The following MANSC1 variants were observed in gnomAD, a reference collection of about 807,000 sequenced individuals.
MANSC1 encodes MANSC domain containing 1, also known as MANSC domain-containing protein 1.
Under a neutral mutation model 14.1 loss-of-function variants are expected in MANSC1, and 13 were observed. That is an observed-to-expected ratio of 0.92 (90% CI 0.60 to 1.46). The LOEUF is 1.46. Ranked by LOEUF, MANSC1 falls within the 40% of genes most tolerant of loss-of-function variation. MANSC1 has a pLI of 0.00. For missense variants in MANSC1, 486 were observed against 511.4 expected (o/e 0.95, Z 0.48); for synonymous variants, 227 against 200.7 (o/e 1.13, Z -1.11).
At chr12:12,341,884 C>T (rs73277491) in intron 2 of MANSC1, among the ~76,000 whole-genome samples, 16,185 of 152,242 alleles carry the variant, frequency 0.11, 871 homozygotes, top group Non-Finnish European at 0.12. Context: ...CTCAGCTACC[C>T]GGGAGGCTGA....
At chr12:12,335,734 C>T (rs1305759404) in intron 3 of MANSC1, among the ~76,000 whole-genome samples, 1 of 150,844 alleles carries the variant, frequency 6.6e-6, no homozygotes, top group South Asian at 2.1e-4. Flanking sequence ...CCCAGCTACT[C>T]AGGAGGCTGA....
At chr12:12,344,918 T>C (rs1454730609) in intron 1 of MANSC1, among the ~76,000 whole-genome samples, 5 of 11,016 alleles carry the variant, frequency 4.5e-4, no homozygotes, top group Non-Finnish European at 7.3e-4. Context: ...TAAACTCCCA[T>C]ATATATATAT....
rs1862716021 is a variant in MANSC1 at position 12,326,912 on chromosome 12, G to A, written c.*3115C>T. The stretch of plus-strand genomic sequence containing the variant: ...TGCAACCGCCCCCTCCCGGCCTCAA[G>A]CAATTATCCTACCTCAGCCTCCCAA... On this transcript the variant is annotated 3_prime_UTR_variant, in exon 4 of 4. Transcript: ENST00000535902. 1 of 152,290 alleles carries A rather than the reference G, an allele frequency of 6.6e-6. No homozygotes were observed. Among genetic ancestry groups the A allele is most frequent in the South Asian group, 2.1e-4 (1 of 4,836 alleles). 9.4% of individuals were successfully genotyped at this position (152,290 alleles called of 1,614,324 possible).
At chr12:12,346,524 C>A (rs1463673523) in intron 1 of MANSC1, among the ~76,000 whole-genome samples, 2 of 152,104 alleles carry the variant, frequency 1.3e-5, no homozygotes, top group Non-Finnish European at 1.5e-5. Flanking sequence ...ACAAACAGAT[C>A]AATGGAATGG....
intron 2 of MANSC1, among the ~76,000 whole-genome samples, chr12:12,340,428 AGTACTC>A (rs930934195): frequency 2.0e-5 from 3 of 152,220 alleles, no homozygotes; most frequent in African/African-American, 7.2e-5. Context: ...TAATAACAGG[AGTACTC>A]CTGCTTTTCC....
chr12:12,334,733 A>C (rs1862836135), intron 3 of MANSC1, among the ~76,000 whole-genome samples: 1 of 152,232 alleles, frequency 6.6e-6, no homozygotes. Flanking sequence ...TGCATTACAA[A>C]AGTAACAACA....
At chr12:12,343,751 T>C (rs1862968815) in intron 1 of MANSC1, among the ~76,000 whole-genome samples, 1 of 152,216 alleles carries the variant, frequency 6.6e-6, no homozygotes, top group African/African-American at 2.4e-5. Flanking sequence ...TTCTAGTCAC[T>C]GATGAAGCAG....
chr12:12,335,024 A>G (rs1862839556), intron 3 of MANSC1, among the ~76,000 whole-genome samples: 1 of 152,166 alleles, frequency 6.6e-6, no homozygotes, highest in Non-Finnish European at 1.5e-5. Flanking sequence ...TCCATTCCAC[A>G]ACCCTAAAAC....
chr12:12,345,115 T>A (rs921249402), intron 1 of MANSC1, among the ~76,000 whole-genome samples: 10 of 148,068 alleles, frequency 6.8e-5, no homozygotes, highest in Non-Finnish European at 1.5e-5. Context: ...AGGTCAGGAG[T>A]TCGACACCAG....
At chr12:12,348,456 C>G (rs1863035632) in intron 1 of MANSC1, among the ~76,000 whole-genome samples, 1 of 152,130 alleles carries the variant, frequency 6.6e-6, no homozygotes, top group Non-Finnish European at 1.5e-5. Flanking sequence ...CCAGTCTGAA[C>G]AGATATGAAT....
intron 3 of MANSC1, among the ~76,000 whole-genome samples, chr12:12,331,486 A>T (rs12819549): frequency 0.77 from 116,375 of 152,088 alleles, 45,649 homozygotes; most frequent in Middle Eastern, 0.91. Flanking sequence ...AGTGGGCCGG[A>T]GGGTGACCTG....
chr12:12,338,003 T>C (rs1463529949), intron 3 of MANSC1, among the ~76,000 whole-genome samples: 1 of 152,200 alleles, frequency 6.6e-6, no homozygotes, highest in African/African-American at 2.4e-5. Context: ...GGTATGGCCA[T>C]AAAAAGTTTG....
chr12:12,329,956 C>G lies in MANSC1; in HGVS notation c.*71G>C. 7.7e-7 allele frequency: 1 copy of G among 1,302,042 alleles called. No individual in the cohort carries two copies. The highest frequency in any genetic ancestry group is 1.4e-5 in the South Asian group (1 of 71,780). The allele number at this position is 1,302,042 out of a possible 1,614,324, so 80.7% of individuals were successfully genotyped here. Reference sequence around the variant, plus strand: ...AAATACAACCTCCTGCTAAGACTAGCAAGTCAGCAGAAACTCATTGCATTT... The same window carrying G: ...AAATACAACCTCCTGCTAAGACTAGGAAGTCAGCAGAAACTCATTGCATTT... On this transcript the variant is annotated 3_prime_UTR_variant, in exon 4 of 4. Coordinates refer to ENST00000535902, the MANE Select transcript of MANSC1 (RefSeq NM_018050.4).
chr12:12,337,134 G>T (rs1349008429), intron 3 of MANSC1, among the ~76,000 whole-genome samples: 2 of 150,568 alleles, frequency 1.3e-5, no homozygotes, highest in Non-Finnish European at 3.0e-5. Context: ...AAAAATAGCT[G>T]GGCATGGTAG....
rs534733996 is a variant in MANSC1 at position 12,328,255 on chromosome 12, GTTATTA to G, written c.*1766_*1771del. On this transcript the variant is annotated 3_prime_UTR_variant, in exon 4 of 4. Transcript: ENST00000535902. ...AAATTGTAGCATCATGTTAGTGCTA[GTTATTA>G]TTATTATTATTTTTGAGACGGAGTC... 6.6e-6 allele frequency: 1 copy of G among 151,960 alleles called. No individual in the cohort carries two copies. Among genetic ancestry groups the G allele is most frequent in the African/African-American group, 2.4e-5 (1 of 41,384 alleles). The allele number at this position is 151,960 out of a possible 1,614,324, so 9.4% of individuals were successfully genotyped here. A position where few individuals can be genotyped will look rare whatever the true frequency, so the allele number is the denominator to read the frequency against.
rs544334615 is a variant in MANSC1 at position 12,330,398 on chromosome 12, C to G, written c.925G>C (p.Ala309Pro). 6.2e-7 allele frequency: 1 copy of G among 1,614,172 alleles called. No individual in the cohort carries two copies. Among genetic ancestry groups the G allele is most frequent in the South Asian group, 1.1e-5 (1 of 91,082 alleles). ...AAGCTGCCTTTCGAGTCCGTAGGTG[C>G]CTGAAAGGTGGTAGTCAGAACTGCT... ...TTAVLTTTFQ[A>P]PTDSKGSLET... Residue 309 changes from alanine to proline, a missense_variant, in exon 4 of 4, where the codon GCA (alanine) becomes CCA (proline). Ala to Pro is a conservative substitution (Grantham distance 27). Transcript: ENST00000535902.
In MANSC1 at chr12:12,330,779, A is replaced by G. The variant is rs4763282; in HGVS notation, c.544T>C (p.Leu182=). The G allele has an allele frequency of 0.73, 1,170,960 of 1,613,704 alleles. 429,965 individuals are homozygous for G. Among genetic ancestry groups the G allele is most frequent in the Middle Eastern group, 0.81 (4,935 of 6,058 alleles). Residue 182 remains leucine (L), a synonymous_variant, in exon 4 of 4, where the codon TTG becomes CTG. Transcript: ENST00000535902. The part of the protein sequence containing the change: ...LSQKFGSSDH[L]EKLFKMDEAS... ...TCATCCATCTTAAATAGTTTCTCCA[A>G]GTGATCTGAGGATCCAAACTTCTGA...
Position 12,330,357 on chromosome 12 carries a change from A to G in MANSC1, c.966T>C (p.Phe322=). ...TCAAAGTTAGGTTGGAGATTTCTGT[A>G]AACGGTATGGTTTCTAAGCTGCCTT... ...DSKGSLETIP[F]TEISNLTLNT... The change falls in exon 4 of 4, where the codon TTT becomes TTC. Residue 322 remains phenylalanine, a synonymous_variant. Coordinates refer to ENST00000535902, the MANE Select transcript of MANSC1 (RefSeq NM_018050.4). 1 of 1,614,222 alleles carries G rather than the reference A, an allele frequency of 6.2e-7. No homozygotes were observed. The highest frequency in any genetic ancestry group is 1.3e-5 in the African/African-American group (1 of 75,054).
chr12:12,339,150 G>A, intron 2 of MANSC1: 1 of 166,090 alleles, frequency 6.0e-6, no homozygotes, highest in Non-Finnish European at 1.3e-5. Context: ...ACACTGATGT[G>A]GCCAAGGTTA....
Sources: allele counts gnomAD v4.1 joint callset (sites outside exome capture counted in the v4.1 genomes callset), GRCh38; gene constraint gnomAD v4.1.1; transcripts MANE v1.5; gene names NCBI Gene and HGNC (gene_info 2026-07-23, HGNC 2026-07-21).